The following OR2L13 variants were observed in gnomAD, a reference collection of about 807,000 sequenced individuals.
OR2L13 encodes the protein olfactory receptor 2L13.
A neutral mutation model predicts 15.3 loss-of-function variants in OR2L13; 14 were observed. The ratio of observed to expected loss-of-function variants is 0.91; its 90% CI spans 0.60 to 1.43. OR2L13 has a LOEUF of 1.43. OR2L13 is among the 40% of genes most tolerant of loss of function. OR2L13 has a pLI of 0.00. For missense variants in OR2L13, 367 were observed against 387.9 expected (o/e 0.95, Z 0.45); for synonymous variants, 152 against 142.9 (o/e 1.06, Z -0.45).
chr1:248,034,183 T>TACC, the OR2L13 span, among the ~76,000 whole-genome samples: 4 of 152,308 alleles, frequency 2.6e-5, no homozygotes, highest in African/African-American at 9.6e-5. Flanking sequence ...TGGAAACACG[T>TACC]ACCATGCTCA....
the OR2L13 span, among the ~76,000 whole-genome samples, chr1:248,011,431 G>C: frequency 1.3e-5 from 2 of 151,912 alleles, no homozygotes; most frequent in Admixed American, 1.3e-4. Flanking sequence ...TGTGTTGTAG[G>C]GTTGCTCTTC....
the OR2L13 span, among the ~76,000 whole-genome samples, chr1:248,010,672 C>G: frequency 0.032 from 4,752 of 150,496 alleles, 231 homozygotes; most frequent in African/African-American, 0.11. Context: ...CCCTTTACCA[C>G]TATGTAATGC....
At chr1:248,057,437 G>T in the OR2L13 span, among the ~76,000 whole-genome samples, 1 of 151,970 alleles carries the variant, frequency 6.6e-6, no homozygotes. Context: ...AATCTGTTTT[G>T]TCAGAAACTA....
the OR2L13 span, among the ~76,000 whole-genome samples, chr1:247,987,254 G>A: frequency 6.6e-6 from 1 of 152,090 alleles, no homozygotes; most frequent in African/African-American, 2.4e-5. Context: ...TTAATTATTT[G>A]TAACAGTTTT....
At chr1:248,081,274 G>A in the OR2L13 span, among the ~76,000 whole-genome samples, 5 of 151,886 alleles carry the variant, frequency 3.3e-5, no homozygotes, top group East Asian at 9.6e-4. Flanking sequence ...TTTCATTGTG[G>A]TCAGATAACA....
the OR2L13 span, among the ~76,000 whole-genome samples, chr1:248,034,671 C>A: frequency 6.6e-6 from 1 of 152,078 alleles, no homozygotes; most frequent in Non-Finnish European, 1.5e-5. Context: ...TGTCATTTTT[C>A]AATATATAAG....
At chr1:247,951,443 C>A in the OR2L13 span, among the ~76,000 whole-genome samples, 1 of 152,108 alleles carries the variant, frequency 6.6e-6, no homozygotes, top group African/African-American at 2.4e-5. Context: ...TTCTTCATTT[C>A]CTTTCATCAG....
At chr1:248,068,279 G>C in the OR2L13 span, among the ~76,000 whole-genome samples, 4 of 152,104 alleles carry the variant, frequency 2.6e-5, no homozygotes, top group East Asian at 7.7e-4. Flanking sequence ...TCACACGGCC[G>C]GGTACTCCTC....
the OR2L13 span, among the ~76,000 whole-genome samples, chr1:248,056,905 C>T: frequency 1.8e-4 from 27 of 151,790 alleles, 1 homozygote; most frequent in Admixed American, 1.8e-3. Context: ...CCGCCTTGGC[C>T]TCCCAAAGTG....
the OR2L13 span, among the ~76,000 whole-genome samples, chr1:247,973,740 G>A: frequency 1.3e-5 from 2 of 152,138 alleles, no homozygotes; most frequent in Non-Finnish European, 2.9e-5. Context: ...ATCTTCTCAT[G>A]CCAGTTAGAA....
chr1:248,070,963 C>T, the OR2L13 span, among the ~76,000 whole-genome samples: 3 of 152,188 alleles, frequency 2.0e-5, no homozygotes, highest in Non-Finnish European at 4.4e-5. Context: ...ATAACAGGCT[C>T]TGAAATTGTG....
At chr1:248,011,975 T>A in the OR2L13 span, among the ~76,000 whole-genome samples, 1 of 152,314 alleles carries the variant, frequency 6.6e-6, no homozygotes, top group South Asian at 2.1e-4. Context: ...TAAATATTAT[T>A]ATGCATTTAA....
At chr1:247,986,236 T>G in the OR2L13 span, among the ~76,000 whole-genome samples, 36 of 152,362 alleles carry the variant, frequency 2.4e-4, no homozygotes, top group African/African-American at 8.7e-4. Flanking sequence ...AGAGTTTTTA[T>G]GGTTTTAAGT....
At chr1:248,066,581 C>T in the OR2L13 span, among the ~76,000 whole-genome samples, 1 of 152,180 alleles carries the variant, frequency 6.6e-6, no homozygotes, top group South Asian at 2.1e-4. Context: ...GTCAATTTGA[C>T]ATTTGGGACT....
chr1:247,941,849 A>G, the OR2L13 span, among the ~76,000 whole-genome samples: 1 of 152,136 alleles, frequency 6.6e-6, no homozygotes, highest in Admixed American at 6.6e-5. Flanking sequence ...GGCATCTTAA[A>G]GTTTCTGTAT....
chr1:248,022,514 A>C, the OR2L13 span: 12 of 1,614,200 alleles, frequency 7.4e-6, no homozygotes, highest in Non-Finnish European at 9.3e-6. Context: ...TAGCCTGTAC[A>C]GACACCTGGG....
chr1:248,090,517 C>T (rs116062876), upstream of OR2L13, among the ~76,000 whole-genome samples: 631 of 152,262 alleles, frequency 4.1e-3, 3 homozygotes, highest in African/African-American at 0.015. Flanking sequence ...TTAGCTCCCA[C>T]TTATAATGAA....
chr1:247,966,087 T>A, the OR2L13 span: 3 of 1,614,060 alleles, frequency 1.9e-6, no homozygotes, highest in African/African-American at 4.0e-5. Context: ...AGGCAAAAGC[T>A]GTTTCCACTT....
the OR2L13 span, among the ~76,000 whole-genome samples, chr1:248,027,059 TAGG>T: frequency 3.8e-4 from 58 of 152,116 alleles, no homozygotes; most frequent in Non-Finnish European, 4.9e-4. Context: ...CAAAAGCAAA[TAGG>T]AGAAATATCG....
Sources: gnomAD v4.1 joint callset for allele counts (sites outside exome capture counted in the v4.1 genomes callset) on GRCh38, gnomAD v4.1.1 for gene constraint, MANE v1.5 for transcripts, NCBI Gene and HGNC (gene_info 2026-07-23, HGNC 2026-07-21) for gene names.